DOK6: variants seen among roughly 807,000 people sequenced by gnomAD.
DOK6 encodes the protein downstream of tyrosine kinase 6.
Under a neutral mutation model 44.0 loss-of-function variants are expected in DOK6, and 22 were observed. The ratio of observed to expected loss-of-function variants is 0.50; its 90% CI spans 0.36 to 0.71. The LOEUF is 0.71. DOK6 is among the 30% of genes least tolerant of loss of function. The pLI is 0.00. For missense variants in DOK6, 340 were observed against 416.4 expected (o/e 0.82, Z 1.60); for synonymous variants, 166 against 145.5 (o/e 1.14, Z -1.01).
intron 5 of DOK6, among the ~76,000 whole-genome samples, chr18:69,723,151 C>T (rs576025290): frequency 6.6e-6 from 1 of 152,282 alleles, no homozygotes; most frequent in African/African-American, 2.4e-5. Flanking sequence ...ATGCTAACTA[C>T]ATCATCTGCA....
At chr18:69,663,907 C>A (rs943871546) in intron 3 of DOK6, among the ~76,000 whole-genome samples, 2 of 152,060 alleles carry the variant, frequency 1.3e-5, no homozygotes, top group Non-Finnish European at 2.9e-5. Context: ...TCCCATTCAA[C>A]AATATTATAA....
chr18:69,401,914 C>T (rs932863886), intron 1 of DOK6, among the ~76,000 whole-genome samples: 8 of 152,204 alleles, frequency 5.3e-5, no homozygotes, highest in Non-Finnish European at 1.2e-4. Context: ...CGCCCGCCCG[C>T]GGTCACTGCT....
chr18:69,785,945 C>T (rs1386741279), intron 7 of DOK6, among the ~76,000 whole-genome samples: 2 of 152,080 alleles, frequency 1.3e-5, no homozygotes, highest in Non-Finnish European at 2.9e-5. Flanking sequence ...TTAAGTCATA[C>T]GTACTCAGCT....
At chr18:69,698,317 T>C in intron 4 of DOK6, 87 bp from the exon 5 acceptor site, 1 of 1,220,504 alleles carries the variant, frequency 8.2e-7, no homozygotes, top group East Asian at 2.4e-5. Flanking sequence ...TTTCCTGCAG[T>C]CTGTAGATAA....
intron 1 of DOK6, among the ~76,000 whole-genome samples, chr18:69,502,635 G>A (rs1265898859): frequency 1.3e-5 from 2 of 152,010 alleles, no homozygotes; most frequent in East Asian, 1.9e-4. Context: ...ACAATCTAAG[G>A]AGTGGATCAG....
chr18:69,605,076 T>G (rs968636230), intron 3 of DOK6, among the ~76,000 whole-genome samples: 24 of 125,858 alleles, frequency 1.9e-4, no homozygotes, highest in African/African-American at 7.2e-4. Flanking sequence ...AGAGATCCCT[T>G]TGTGTGTGTG....
At chr18:69,791,307 T>C (rs983231779) in intron 7 of DOK6, among the ~76,000 whole-genome samples, 3 of 152,206 alleles carry the variant, frequency 2.0e-5, no homozygotes, top group Admixed American at 1.3e-4. Flanking sequence ...GCTCTACTTT[T>C]GGTTCTTTGA....
At chr18:69,785,086 A>G (rs762293521) in intron 7 of DOK6, among the ~76,000 whole-genome samples, 2 of 152,138 alleles carry the variant, frequency 1.3e-5, no homozygotes, top group Non-Finnish European at 2.9e-5. Flanking sequence ...TTTTCCCATT[A>G]TTGCTGTCAT....
chr18:69,429,199 G>C (rs1335557584), intron 1 of DOK6, among the ~76,000 whole-genome samples: 1 of 152,056 alleles, frequency 6.6e-6, no homozygotes, highest in African/African-American at 2.4e-5. Context: ...GTTTACCCCT[G>C]TGACTCTGAT....
intron 3 of DOK6, among the ~76,000 whole-genome samples, chr18:69,628,402 ATC>A (rs1244586148): frequency 3.9e-4 from 59 of 152,162 alleles, no homozygotes; most frequent in Admixed American, 9.2e-4. Context: ...AAGCACAAGA[ATC>A]TCTTGAAACT....
At chr18:69,785,681 C>A (rs1980408901) in intron 7 of DOK6, among the ~76,000 whole-genome samples, 1 of 152,086 alleles carries the variant, frequency 6.6e-6, no homozygotes, top group South Asian at 2.1e-4. Flanking sequence ...TCAGTCACTG[C>A]CTTTTTATCT....
At chr18:69,407,503 T>C (rs547043775) in intron 1 of DOK6, among the ~76,000 whole-genome samples, 66 of 152,356 alleles carry the variant, frequency 4.3e-4, no homozygotes, top group Admixed American at 7.2e-4. Context: ...TGTAACTTTG[T>C]CCACAGAGTC....
intron 1 of DOK6, among the ~76,000 whole-genome samples, chr18:69,537,110 A>C (rs934926326): frequency 1.3e-5 from 2 of 152,020 alleles, no homozygotes; most frequent in Non-Finnish European, 2.9e-5. Context: ...TGCTGGGATT[A>C]TAAGCGTGAG....
At chr18:69,520,868 A>G (rs1981665515) in intron 1 of DOK6, among the ~76,000 whole-genome samples, 1 of 151,936 alleles carries the variant, frequency 6.6e-6, no homozygotes, top group East Asian at 1.9e-4. Context: ...GTTCACATCT[A>G]TGAAATATTC....
intron 7 of DOK6, among the ~76,000 whole-genome samples, chr18:69,810,693 C>A (rs1981196840): frequency 6.6e-6 from 1 of 151,064 alleles, no homozygotes; most frequent in African/African-American, 2.4e-5. Flanking sequence ...AGAAGAATGG[C>A]CAACAGGTAC....
chr18:69,683,885 C>T (rs1986094372), intron 4 of DOK6, among the ~76,000 whole-genome samples: 1 of 152,202 alleles, frequency 6.6e-6, no homozygotes, highest in Non-Finnish European at 1.5e-5. Context: ...CAACATTTCC[C>T]AAACTCACGT....
intron 3 of DOK6, among the ~76,000 whole-genome samples, chr18:69,665,565 C>T (rs1478696807): frequency 6.6e-6 from 1 of 152,110 alleles, no homozygotes; most frequent in Non-Finnish European, 1.5e-5. Flanking sequence ...TATCGTCTGC[C>T]TTAACTCGAC....
At chr18:69,763,722 A>T (rs1241152012) in intron 7 of DOK6, among the ~76,000 whole-genome samples, 1 of 152,200 alleles carries the variant, frequency 6.6e-6, no homozygotes, top group South Asian at 2.1e-4. Context: ...TTTAATCACC[A>T]TTAGACATAT....
chr18:69,675,521 AT>A (rs1255031930), intron 3 of DOK6, among the ~76,000 whole-genome samples: 1 of 152,232 alleles, frequency 6.6e-6, no homozygotes, highest in Non-Finnish European at 1.5e-5. Context: ...TCTTCTGAAA[AT>A]TTTAAAACAT....
Sources: gnomAD v4.1 joint callset for allele counts (sites outside exome capture counted in the v4.1 genomes callset) on GRCh38, gnomAD v4.1.1 for gene constraint, MANE v1.5 for transcripts, NCBI Gene and HGNC (gene_info 2026-07-23, HGNC 2026-07-21) for gene names.